Variants in ERI1 observed in about 807,000 individuals in gnomAD.
The protein encoded by ERI1 is 3'-5' exoribonuclease 1.
Under a neutral mutation model 39.7 loss-of-function variants are expected in ERI1, and 39 were observed. The observed-to-expected ratio is 0.98, with a 90% confidence interval of 0.76 to 1.28. The LOEUF is 1.28. Ranked by LOEUF, ERI1 falls within the 50% of genes most tolerant of loss-of-function variation. The pLI, the probability that ERI1 is intolerant of heterozygous loss-of-function variation, is 0.00. For missense variants in ERI1, 581 were observed against 416.9 expected (o/e 1.39, Z -3.43); for synonymous variants, 204 against 149.6 (o/e 1.36, Z -2.65).
At chr8:9,093,014 G>A (rs1448540702) in intron 3 of ERI1, among the ~76,000 whole-genome samples, 1 of 152,214 alleles carries the variant, frequency 6.6e-6, no homozygotes, top group Non-Finnish European at 1.5e-5. Context: ...TTCACGTGCT[G>A]CTTTCCCCGT....
At chr8:9,061,137 G>C (rs1798681797) in intron 3 of ERI1, among the ~76,000 whole-genome samples, 2 of 152,214 alleles carry the variant, frequency 1.3e-5, no homozygotes, top group Non-Finnish European at 2.9e-5. Context: ...AGATACTATA[G>C]CATAGCCTGC....
At chr8:9,053,765 C>A (rs1798427800) in intron 3 of ERI1, among the ~76,000 whole-genome samples, 1 of 152,086 alleles carries the variant, frequency 6.6e-6, no homozygotes, top group South Asian at 2.1e-4. Flanking sequence ...CTGTAGGACA[C>A]CCAGTGAATG....
chr8:9,090,559 A>G (rs938040583), intron 3 of ERI1, among the ~76,000 whole-genome samples: 1 of 152,232 alleles, frequency 6.6e-6, no homozygotes, highest in African/African-American at 2.4e-5. Flanking sequence ...ATGATGTTTT[A>G]GGAGTATTCG....
chr8:9,053,396 T>A (rs535344415), intron 3 of ERI1, among the ~76,000 whole-genome samples: 2 of 152,248 alleles, frequency 1.3e-5, no homozygotes, highest in Non-Finnish European at 2.9e-5. Flanking sequence ...TCCAGGAGCT[T>A]CTGGGTTGAT....
intron 3 of ERI1, among the ~76,000 whole-genome samples, chr8:9,097,922 A>G (rs1183738682): frequency 3.3e-5 from 5 of 152,220 alleles, no homozygotes; most frequent in African/African-American, 9.6e-5. Context: ...TATATACACC[A>G]TGGAATACTA....
rs575003686 is a variant in ERI1 at position 9,069,342 on chromosome 8, T to C, written n.300-47006T>C. On this transcript the variant is annotated intron_variant and non_coding_transcript_variant, in intron 3 of 3. Transcript: ENST00000518663. ...ATTTTTAAAAGCACTTATGTTTTAA[T>C]TTGCATTTCTTTGTTGCAATGTATT... is the stretch of plus-strand genomic sequence containing the variant. Among the ~76,000 whole-genome samples, 139 of 152,374 alleles carry C rather than the reference T, an allele frequency of 9.1e-4. 2 individuals carry two copies. The South Asian group carries it at 0.012, about 13-fold the overall frequency.
downstream of ERI1, among the ~76,000 whole-genome samples, chr8:9,033,587 A>C (rs190458689): frequency 1.6e-4 from 24 of 152,264 alleles, no homozygotes; most frequent in African/African-American, 5.8e-4. Flanking sequence ...TGATACTTGC[A>C]TCAGACATTT....
chr8:9,099,295 G>A (rs1017360111), intron 3 of ERI1, among the ~76,000 whole-genome samples: 4 of 150,690 alleles, frequency 2.7e-5, no homozygotes. Flanking sequence ...ACTTTTTTCA[G>A]AATTTTGTAT....
intron 3 of ERI1, among the ~76,000 whole-genome samples, chr8:9,059,631 T>G (rs550338913): frequency 6.6e-6 from 1 of 152,192 alleles, no homozygotes; most frequent in Non-Finnish European, 1.5e-5. Context: ...ATTAAAGGAC[T>G]AAGAATTGGG....
intron 3 of ERI1, among the ~76,000 whole-genome samples, chr8:9,080,897 T>C (rs1799347702): frequency 6.6e-6 from 1 of 152,250 alleles, no homozygotes; most frequent in Non-Finnish European, 1.5e-5. Context: ...TACTGAAATG[T>C]TCACTGACAA....
chr8:9,046,370 C>G lies in ERI1; in HGVS notation n.299+25906C>G, dbSNP rs568711028. 9.8e-4 allele frequency among the ~76,000 whole-genome samples: 149 copies of G among 152,216 alleles called. 1 individual carries two copies. Among genetic ancestry groups the G allele is most frequent in the Non-Finnish European group, 1.7e-3 (115 of 68,040 alleles). On this transcript the variant is annotated intron_variant and non_coding_transcript_variant, in intron 3 of 3. Transcript: ENST00000518663. ...ATGAGCAGCACATATGCGAGACTGC[C>G]TAGAGGAGATGAGGCAGAGCAGCCC...
At chr8:9,025,843 A>G (rs1818419920) in intron 6 of ERI1, among the ~76,000 whole-genome samples, 1 of 152,086 alleles carries the variant, frequency 6.6e-6, no homozygotes, top group South Asian at 2.1e-4. Flanking sequence ...ATACATAATG[A>G]GATACCTTAG....
chr8:9,015,506 G>A (rs530222392), intron 3 of ERI1, among the ~76,000 whole-genome samples: 6 of 151,800 alleles, frequency 4.0e-5, no homozygotes, highest in African/African-American at 1.4e-4. Flanking sequence ...TAAGACCATC[G>A]TGTCAGGAGA....
chr8:9,006,510 A>G (rs1363744147), intron 1 of ERI1, among the ~76,000 whole-genome samples: 2 of 152,204 alleles, frequency 1.3e-5, no homozygotes, highest in African/African-American at 4.8e-5. Flanking sequence ...ATGTTGACCT[A>G]AATTTTAACC....
chr8:9,003,832 CTAA>C (rs1175753009), intron 1 of ERI1, among the ~76,000 whole-genome samples: 3 of 152,184 alleles, frequency 2.0e-5, no homozygotes, highest in Non-Finnish European at 2.9e-5. Flanking sequence ...TGATCTTTTC[CTAA>C]TAATAAACAT....
intron 6 of ERI1, among the ~76,000 whole-genome samples, chr8:9,027,213 C>A (rs1585229833): frequency 6.6e-6 from 1 of 150,394 alleles, no homozygotes; most frequent in South Asian, 2.1e-4. Flanking sequence ...AGTGGTATCT[C>A]ATTGTGGTTT....
intron 4 of ERI1, among the ~76,000 whole-genome samples, chr8:9,016,918 C>T (rs571234708): frequency 3.3e-5 from 5 of 152,316 alleles, no homozygotes; most frequent in South Asian, 2.1e-4. Context: ...AACACCTAAC[C>T]TCAAGTGTCC....
chr8:9,054,335 C>T (rs1246229950), intron 3 of ERI1, among the ~76,000 whole-genome samples: 2 of 152,190 alleles, frequency 1.3e-5, no homozygotes, highest in Non-Finnish European at 2.9e-5. Flanking sequence ...TTGTAGGATT[C>T]AGCTTTCCTT....
intron 2 of ERI1, 33 bp from the exon 3 acceptor site, chr8:9,011,509 C>G: frequency 6.9e-7 from 1 of 1,452,432 alleles, no homozygotes; most frequent in South Asian, 1.3e-5. Context: ...GTAGAATTTA[C>G]CTAAGTGTAA....
Sources: gnomAD v4.1 joint callset for allele counts (sites outside exome capture counted in the v4.1 genomes callset) on GRCh38, gnomAD v4.1.1 for gene constraint, MANE v1.5 for transcripts, NCBI Gene and HGNC (gene_info 2026-07-23, HGNC 2026-07-21) for gene names.